Variants in UGGT2 observed in about 807,000 individuals in gnomAD.
The protein encoded by UGGT2 is UDP-glucose:glycoprotein glucosyltransferase 2.
A neutral mutation model predicts 192.1 loss-of-function variants in UGGT2; 180 were observed. The ratio of observed to expected loss-of-function variants is 0.94; its 90% CI spans 0.83 to 1.06. The LOEUF is 1.06. UGGT2 is among the 50% of genes least tolerant of loss of function. The probability of loss-of-function intolerance (pLI) is 0.00; values close to 1 mark genes in which losing one functional copy is unlikely to be tolerated. For missense variants in UGGT2, 1,849 were observed against 1,795.7 expected (o/e 1.03, Z -0.54); for synonymous variants, 580 against 591.0 (o/e 0.98, Z 0.27).
intron 12 of UGGT2, among the ~76,000 whole-genome samples, chr13:95,969,735 C>A (rs1226144993): frequency 1.3e-5 from 2 of 152,312 alleles, no homozygotes; most frequent in Admixed American, 6.5e-5. Context: ...CACACCAGAA[C>A]CTTTGGAGGC....
intron 30 of UGGT2, among the ~76,000 whole-genome samples, chr13:95,864,810 T>C (rs926751181): frequency 1.3e-5 from 2 of 152,192 alleles, no homozygotes; most frequent in African/African-American, 4.8e-5. Context: ...CTACCTATCT[T>C]CTTTCTTGAT....
chr13:95,836,410 T>C (rs1887294061), intron 37 of UGGT2, among the ~76,000 whole-genome samples: 1 of 152,146 alleles, frequency 6.6e-6, no homozygotes, highest in South Asian at 2.1e-4. Context: ...AAGCCTGAAA[T>C]TGCTATTCTT....
In UGGT2 at chr13:96,043,039, A is replaced by T. The variant is rs149888582; in HGVS notation, c.158+10116T>A. ...CACCTGGGAAATTCAACACAAAAAG[A>T]TCATTGCCTAGGCACATAGTCATCA... On this transcript the variant is annotated intron_variant, in intron 1 of 38. Transcript: ENST00000376747. Among the ~76,000 whole-genome samples, 212 of 152,318 alleles carry T rather than the reference A, an allele frequency of 1.4e-3. 1 individual carries two copies. The highest frequency in any genetic ancestry group is 4.8e-3 in the African/African-American group (198 of 41,574).
At chr13:95,819,481 T>C (rs1221991004) in intron 38 of UGGT2, among the ~76,000 whole-genome samples, 1 of 147,370 alleles carries the variant, frequency 6.8e-6, no homozygotes, top group African/African-American at 2.6e-5. Context: ...ACCTTATATA[T>C]ACACACACAC....
chr13:96,046,898 CA>C (rs1157778107), intron 1 of UGGT2, among the ~76,000 whole-genome samples: 1 of 152,150 alleles, frequency 6.6e-6, no homozygotes, highest in African/African-American at 2.4e-5. Flanking sequence ...GATCCAACCG[CA>C]AGGCAGCAGT....
intron 22 of UGGT2, among the ~76,000 whole-genome samples, chr13:95,897,756 C>A (rs577041766): frequency 6.6e-6 from 1 of 152,232 alleles, no homozygotes; most frequent in South Asian, 2.1e-4. Context: ...CTATTAAAAC[C>A]ACAGTTATAC....
intron 5 of UGGT2, 68 bp downstream of exon 5, chr13:96,013,239 A>C (rs2052220232): frequency 1.4e-6 from 2 of 1,420,074 alleles, no homozygotes; most frequent in Admixed American, 2.6e-5. Context: ...TAAATCTAGT[A>C]AGACGATTAT....
chr13:95,815,142 C>A (rs1884763430), intron 38 of UGGT2, among the ~76,000 whole-genome samples: 1 of 152,178 alleles, frequency 6.6e-6, no homozygotes, highest in Non-Finnish European at 1.5e-5. Context: ...AAACTAAATG[C>A]CTTCTCACTA....
At chr13:95,952,330 A>G (rs1594422463) in intron 12 of UGGT2, among the ~76,000 whole-genome samples, 2 of 151,968 alleles carry the variant, frequency 1.3e-5, no homozygotes, top group East Asian at 3.9e-4. Flanking sequence ...CAAAAGATAT[A>G]CCCACCCCCT....
chr13:95,986,236 A>AT, intron 9 of UGGT2, 97 bp downstream of exon 9: 1 of 843,758 alleles, frequency 1.2e-6, no homozygotes, highest in Non-Finnish European at 1.9e-6. Flanking sequence ...ACTAGAACTA[A>AT]TTGACACCTT....
chr13:95,942,230 GTGTGTGT>G (rs1566734931), intron 15 of UGGT2, among the ~76,000 whole-genome samples: 8 of 47,070 alleles, frequency 1.7e-4, no homozygotes, highest in African/African-American at 4.2e-4. Context: ...GGGTGTGTGT[GTGTGTGT>G]GTGTGTGTGT....
intron 27 of UGGT2, 108 bp from the exon 28 acceptor site, chr13:95,877,964 G>A: frequency 8.5e-6 from 10 of 1,176,950 alleles, no homozygotes; most frequent in Non-Finnish European, 1.2e-5. Context: ...TATTTTGGTG[G>A]CTAACTTTAA....
intron 10 of UGGT2, 33 bp downstream of exon 10, chr13:95,983,771 G>C (rs959652370): frequency 1.4e-6 from 2 of 1,406,380 alleles, no homozygotes; most frequent in African/African-American, 2.9e-5. Flanking sequence ...ATATTAGTTG[G>C]GTAAATGTTT....
At chr13:96,040,791 A>G (rs1282847761) in intron 1 of UGGT2, among the ~76,000 whole-genome samples, 1 of 152,170 alleles carries the variant, frequency 6.6e-6, no homozygotes, top group African/African-American at 2.4e-5. Context: ...ACTGTCAAGG[A>G]CCTTAAGGAG....
rs1008280597 is a variant in UGGT2, at chr13:96,053,270, C to T, written c.43G>A (p.Gly15Ser). Residue 15 changes from glycine to serine, a missense_variant, in exon 1 of 39, where the codon GGC (glycine) becomes AGC (serine). Gly to Ser is a moderately conservative substitution (Grantham distance 56, BLOSUM62 0). Transcript: ENST00000376747. The part of the protein sequence containing the change: ...KATNVVRLLL[G>S]STALWLSQLG... ...TGCGAAAGCCACAGCGCTGTGGAGC[C>T]TAGTAGCAGCCGCACCACGTTCGTG... 1.3e-6 allele frequency: 2 copies of T among 1,575,062 alleles called. No homozygotes were observed. Among genetic ancestry groups the T allele is most frequent in the Non-Finnish European group, 1.7e-6 (2 of 1,168,848 alleles).
intron 27 of UGGT2, among the ~76,000 whole-genome samples, chr13:95,879,931 G>A (rs1420524187): frequency 1.3e-5 from 2 of 151,978 alleles, no homozygotes; most frequent in African/African-American, 4.8e-5. Context: ...TGGGGTACAT[G>A]TGCAGAATGA....
Position 96,053,281 on chromosome 13 carries a change from C to G in UGGT2, c.32G>C (p.Arg11Pro). MAPAKATNVV[R>P]LLLGSTALWL... ...CAGCGCTGTGGAGCCTAGTAGCAGC[C>G]GCACCACGTTCGTGGCTTTCGCTGG... The change falls in exon 1 of 39, where the codon CGG becomes CCG. Residue 11 changes from arginine to proline, a missense_variant. Transcript: ENST00000376747. 1.9e-6 allele frequency: 3 copies of G among 1,578,608 alleles called. No individual in the cohort carries two copies. The highest frequency in any genetic ancestry group is 2.6e-6 in the Non-Finnish European group (3 of 1,170,830).
At chr13:96,026,253 T>A (rs916441853) in intron 2 of UGGT2, among the ~76,000 whole-genome samples, 2 of 152,130 alleles carry the variant, frequency 1.3e-5, no homozygotes, top group African/African-American at 4.8e-5. Flanking sequence ...CAATTAAGTA[T>A]GTGAAGAACT....
At chr13:96,004,215 T>C (rs1453580532) in intron 5 of UGGT2, among the ~76,000 whole-genome samples, 1 of 152,128 alleles carries the variant, frequency 6.6e-6, no homozygotes, top group Non-Finnish European at 1.5e-5. Flanking sequence ...AAATTTTTTA[T>C]TTTTAATTAT....
Sources: allele counts gnomAD v4.1 joint callset (sites outside exome capture counted in the v4.1 genomes callset), GRCh38; gene constraint gnomAD v4.1.1; transcripts MANE v1.5; gene names NCBI Gene and HGNC (gene_info 2026-07-23, HGNC 2026-07-21).